Variants in LINGO2 observed in about 807,000 individuals in gnomAD.
The protein encoded by LINGO2 is leucine-rich repeat and immunoglobulin-like domain-containing nogo receptor-interacting protein 2.
Under a neutral mutation model 30.6 loss-of-function variants are expected in LINGO2, and 14 were observed. The observed-to-expected ratio is 0.46, with a 90% CI of 0.30 to 0.72. The LOEUF is 0.72. Among genes scored for constraint, LINGO2 ranks in the 30% least tolerant of loss-of-function variants. The probability of loss-of-function intolerance (pLI) is 0.07; values close to 1 mark genes in which losing one functional copy is unlikely to be tolerated. For synonymous variants in LINGO2, 317 were observed against 288.5 expected, an observed-to-expected ratio of 1.10 and a Z score of -1.00; for missense variants, 729 against 751.7, an observed-to-expected ratio of 0.97 and a Z score of 0.35.
chr9:28,311,021 T>C (rs930632779), intron 3 of LINGO2, among the ~76,000 whole-genome samples: 1 of 152,118 alleles, frequency 6.6e-6, no homozygotes, highest in African/African-American at 2.4e-5. Flanking sequence ...ATATTTCATG[T>C]AGATTCTTTT....
chr9:28,998,861 C>A, the LINGO2 span, among the ~76,000 whole-genome samples: 1 of 151,938 alleles, frequency 6.6e-6, no homozygotes, highest in Non-Finnish European at 1.5e-5. Flanking sequence ...TAGCACAGGT[C>A]TAGGGACAGT....
At chr9:28,642,470 C>T (rs1347440679) in intron 1 of LINGO2, among the ~76,000 whole-genome samples, 1 of 152,060 alleles carries the variant, frequency 6.6e-6, no homozygotes, top group East Asian at 1.9e-4. Flanking sequence ...AGAAAGTTGA[C>T]TTTGAAACAA....
the LINGO2 span, among the ~76,000 whole-genome samples, chr9:29,171,565 T>G: frequency 1.3e-5 from 2 of 151,846 alleles, no homozygotes; most frequent in Admixed American, 1.3e-4. Context: ...ATATATAATA[T>G]TAAATAACTT....
the LINGO2 span, among the ~76,000 whole-genome samples, chr9:29,124,466 T>A: frequency 0.24 from 36,599 of 151,946 alleles, 4,549 homozygotes; most frequent in East Asian, 0.41. Context: ...ATCATCAGAG[T>A]GAACAGGCAA....
At chr9:28,782,015 T>TC in the LINGO2 span, among the ~76,000 whole-genome samples, 1 of 152,194 alleles carries the variant, frequency 6.6e-6, no homozygotes, top group Non-Finnish European at 1.5e-5. Context: ...TTTTAGTTTT[T>TC]TGAATGTTGG....
the LINGO2 span, among the ~76,000 whole-genome samples, chr9:28,726,987 A>AGAGT: frequency 1.1e-4 from 17 of 152,174 alleles, no homozygotes; most frequent in Admixed American, 3.9e-4. Context: ...GGAGGAGAGG[A>AGAGT]GAGTGAGCAT....
At chr9:29,055,294 T>G in the LINGO2 span, among the ~76,000 whole-genome samples, 40 of 152,302 alleles carry the variant, frequency 2.6e-4, no homozygotes, top group African/African-American at 8.7e-4. Context: ...TTGTGTAGCT[T>G]ATACCTAGTG....
intron 3 of LINGO2, among the ~76,000 whole-genome samples, chr9:28,341,430 T>C (rs763013227): frequency 2.0e-5 from 3 of 152,096 alleles, no homozygotes; most frequent in Non-Finnish European, 4.4e-5. Context: ...AAAATACAAC[T>C]CTGTGATGGT....
chr9:29,191,543 G>A, the LINGO2 span, among the ~76,000 whole-genome samples: 7 of 151,850 alleles, frequency 4.6e-5, no homozygotes, highest in Non-Finnish European at 1.0e-4. Flanking sequence ...TGATCTGGGT[G>A]CTAATTATTA....
At chr9:28,917,889 T>C in the LINGO2 span, among the ~76,000 whole-genome samples, 2 of 151,990 alleles carry the variant, frequency 1.3e-5, no homozygotes, top group Non-Finnish European at 2.9e-5. Context: ...TAGTCATTAA[T>C]ACGAAGTCCA....
the LINGO2 span, among the ~76,000 whole-genome samples, chr9:29,139,641 C>G: frequency 1.3e-5 from 2 of 151,936 alleles, no homozygotes; most frequent in Admixed American, 1.3e-4. Flanking sequence ...TCTTGAACCC[C>G]ATGAAAGTAT....
intron 5 of LINGO2, among the ~76,000 whole-genome samples, chr9:28,000,166 G>A (rs1347475812): frequency 6.6e-6 from 1 of 152,194 alleles, no homozygotes; most frequent in East Asian, 1.9e-4. Context: ...CTCTATGGAG[G>A]GTATTGTATT....
the LINGO2 span, among the ~76,000 whole-genome samples, chr9:28,910,358 AC>A: frequency 6.6e-6 from 1 of 152,048 alleles, no homozygotes; most frequent in South Asian, 2.1e-4. Flanking sequence ...CAAGACCATT[AC>A]TAAATCATGC....
chr9:28,764,557 A>T, the LINGO2 span, among the ~76,000 whole-genome samples: 4 of 152,120 alleles, frequency 2.6e-5, no homozygotes, highest in East Asian at 7.7e-4. Context: ...AATCAACAGG[A>T]AAAACCTGAA....
intron 4 of LINGO2, among the ~76,000 whole-genome samples, chr9:28,073,829 A>G (rs1825549687): frequency 1.3e-5 from 2 of 152,172 alleles, no homozygotes. Flanking sequence ...GGTGTTCAAG[A>G]CAAGCCTGGA....
the LINGO2 span, among the ~76,000 whole-genome samples, chr9:29,065,592 T>C: frequency 6.6e-6 from 1 of 152,060 alleles, no homozygotes; most frequent in Non-Finnish European, 1.5e-5. Context: ...TATGTGGCTA[T>C]ATTTCTTAAC....
the LINGO2 span, among the ~76,000 whole-genome samples, chr9:29,109,278 A>G: frequency 1.3e-5 from 2 of 152,162 alleles, no homozygotes; most frequent in Admixed American, 6.5e-5. Context: ...CTTCTTTAGA[A>G]GGTAGACTGT....
intron 2 of LINGO2, among the ~76,000 whole-genome samples, chr9:28,434,602 T>C (rs1396470761): frequency 6.6e-6 from 1 of 152,006 alleles, no homozygotes; most frequent in Non-Finnish European, 1.5e-5. Flanking sequence ...AATTGGCTTC[T>C]ATCAAACCAG....
At chr9:28,185,260 T>A (rs1294456388) in intron 4 of LINGO2, among the ~76,000 whole-genome samples, 1 of 152,196 alleles carries the variant, frequency 6.6e-6, no homozygotes, top group East Asian at 1.9e-4. Context: ...TCTTGCCACA[T>A]CCATTTTAAT....
Sources: gnomAD v4.1 joint callset for allele counts (sites outside exome capture counted in the v4.1 genomes callset) on GRCh38, gnomAD v4.1.1 for gene constraint, MANE v1.5 for transcripts, NCBI Gene and HGNC (gene_info 2026-07-23, HGNC 2026-07-21) for gene names.